ANAPC5: variants seen among roughly 807,000 people sequenced by gnomAD.
ANAPC5 encodes the protein anaphase-promoting complex subunit 5.
Under a neutral mutation model 91.3 loss-of-function variants are expected in ANAPC5, and 60 were observed. The ratio of observed to expected loss-of-function variants is 0.66; its 90% CI spans 0.53 to 0.81. The LOEUF (loss-of-function observed/expected upper bound fraction) is 0.81. Among genes scored for constraint, ANAPC5 ranks in the 40% least tolerant of loss-of-function variants. ANAPC5 has a pLI of 0.00. For missense variants in ANAPC5, 690 were observed against 931.5 expected, an observed-to-expected ratio of 0.74 and a Z score of 3.37; for synonymous variants, 340 against 364.1, an observed-to-expected ratio of 0.93 and a Z score of 0.75.
At chr12:121,320,490 T>C (rs755697391) in intron 11 of ANAPC5, 31 bp from the exon 12 acceptor site, 7 of 1,600,946 alleles carry the variant, frequency 4.4e-6, no homozygotes, top group Middle Eastern at 1.7e-4. Flanking sequence ...TTGATCAGCA[T>C]AACCTGTGTT....
At chr12:121,341,208 G>A (rs1032443328) in intron 5 of ANAPC5, among the ~76,000 whole-genome samples, 4 of 152,094 alleles carry the variant, frequency 2.6e-5, no homozygotes, top group South Asian at 2.1e-4. Context: ...GCTGGTTCAT[G>A]TCTGTAATCC....
intron 5 of ANAPC5, among the ~76,000 whole-genome samples, chr12:121,338,846 CTGTAT>C (rs1373208967): frequency 2.0e-5 from 3 of 151,628 alleles, no homozygotes; most frequent in East Asian, 1.9e-4. Flanking sequence ...ACAATATACC[CTGTAT>C]TGTAAACATA....
intron 15 of ANAPC5, 36 bp from the exon 16 acceptor site, chr12:121,309,899 A>G: frequency 1.3e-6 from 2 of 1,544,794 alleles, no homozygotes; most frequent in Non-Finnish European, 1.8e-6. Context: ...TACATACCCA[A>G]ACCCACTGCC....
intron 15 of ANAPC5, among the ~76,000 whole-genome samples, chr12:121,311,971 C>T (rs1217044129): frequency 1.3e-5 from 2 of 152,060 alleles, no homozygotes; most frequent in African/African-American, 4.8e-5. Flanking sequence ...TGAACTGGCC[C>T]TAACATATAT....
At chr12:121,322,853 T>C (rs1902674753) in intron 11 of ANAPC5, among the ~76,000 whole-genome samples, 1 of 152,022 alleles carries the variant, frequency 6.6e-6, no homozygotes, top group African/African-American at 2.4e-5. Flanking sequence ...TGAAACCCCA[T>C]CTCGACTAAA....
rs1903015427 is a variant in ANAPC5 at position 121,330,835 on chromosome 12, A to G, written c.1033-163T>C. 1.2e-5 allele frequency: 7 copies of G among 565,326 alleles called. No homozygotes were observed. In the South Asian group the frequency reaches 1.5e-4, roughly 12 times the overall value. 35.0% of individuals were successfully genotyped at this position (565,326 alleles called of 1,614,324 possible). On this transcript the variant is annotated intron_variant, in intron 8 of 16. Transcript: ENST00000261819. ...AATCTCAATGAGACCTGTCAAACAT[A>G]TCAACATCATTAAAACCAGGCTGAA... is the stretch of plus-strand genomic sequence containing the variant.
intron 11 of ANAPC5, among the ~76,000 whole-genome samples, chr12:121,324,611 A>G: frequency 6.6e-6 from 1 of 152,232 alleles, no homozygotes; most frequent in East Asian, 1.9e-4. Flanking sequence ...GAATTGAGCC[A>G]CAAGGCACTG....
chr12:121,331,304 T>G, intron 8 of ANAPC5, 43 bp downstream of exon 8: 1 of 1,536,958 alleles, frequency 6.5e-7, no homozygotes, highest in African/African-American at 1.4e-5. Context: ...GAAGGCCAAT[T>G]CAACCCGTGA....
intron 11 of ANAPC5, 30 bp from the exon 12 acceptor site, chr12:121,320,489 A>G: frequency 6.2e-7 from 1 of 1,605,678 alleles, no homozygotes; most frequent in Non-Finnish European, 8.5e-7. Flanking sequence ...TTTGATCAGC[A>G]TAACCTGTGT....
At chr12:121,352,925 T>A (rs1267040185), upstream of ANAPC5, among the ~76,000 whole-genome samples, 2 of 152,128 alleles carry the variant, frequency 1.3e-5, no homozygotes, top group Middle Eastern at 6.3e-3. Flanking sequence ...TGAAAATAGT[T>A]CAAATAGAAT....
chr12:121,313,257 C>T (rs777720664), intron 15 of ANAPC5, among the ~76,000 whole-genome samples: 4 of 151,970 alleles, frequency 2.6e-5, no homozygotes, highest in South Asian at 2.1e-4. Flanking sequence ...ACCTGGGAGG[C>T]GGAGGTTGCA....
intron 15 of ANAPC5, among the ~76,000 whole-genome samples, chr12:121,317,649 G>T (rs959779188): frequency 5.9e-5 from 9 of 152,190 alleles, no homozygotes; most frequent in Non-Finnish European, 8.8e-5. Flanking sequence ...GACTCCGTAG[G>T]TCTGAGGCAA....
At chr12:121,320,763 C>T (rs545625631) in intron 11 of ANAPC5, 16 of 196,380 alleles carry the variant, frequency 8.1e-5, no homozygotes, top group East Asian at 2.3e-4. Flanking sequence ...CCACCATGTC[C>T]GGCTAATTTT....
At chr12:121,316,955 A>G (rs1399592066) in intron 15 of ANAPC5, among the ~76,000 whole-genome samples, 1 of 152,134 alleles carries the variant, frequency 6.6e-6, no homozygotes, top group African/African-American at 2.4e-5. Context: ...ATAAAACCTG[A>G]AAACATCAAG....
At chr12:121,324,341 G>C (rs1396789243) in intron 11 of ANAPC5, among the ~76,000 whole-genome samples, 1 of 152,022 alleles carries the variant, frequency 6.6e-6, no homozygotes, top group Non-Finnish European at 1.5e-5. Context: ...GATGAAGAAA[G>C]GGGTAAAGGA....
At chr12:121,334,364 C>G (rs574422374) in intron 7 of ANAPC5, 1 of 152,272 alleles carries the variant, frequency 6.6e-6, no homozygotes, top group East Asian at 1.9e-4. Flanking sequence ...ATAGATGTCT[C>G]CATTATTGAA....
chr12:121,321,401 G>T (rs977467060), intron 11 of ANAPC5, among the ~76,000 whole-genome samples: 1 of 141,564 alleles, frequency 7.1e-6, no homozygotes, highest in Non-Finnish European at 1.5e-5. Context: ...TCCCAGGCTG[G>T]AATGCAGCAA....
At chr12:121,311,082 A>G (rs1902150781) in intron 15 of ANAPC5, among the ~76,000 whole-genome samples, 1 of 152,108 alleles carries the variant, frequency 6.6e-6, no homozygotes, top group Non-Finnish European at 1.5e-5. Context: ...CTCACTGTAG[A>G]TTAAAAGACA....
intron 5 of ANAPC5, among the ~76,000 whole-genome samples, chr12:121,339,878 T>G (rs958376579): frequency 4.8e-4 from 65 of 136,260 alleles, no homozygotes; most frequent in Non-Finnish European, 8.2e-4. Context: ...GTTTTTTTTT[T>G]TTTTTTTTTT....
Sources: gnomAD v4.1 joint callset for allele counts (sites outside exome capture counted in the v4.1 genomes callset) on GRCh38, gnomAD v4.1.1 for gene constraint, MANE v1.5 for transcripts, NCBI Gene and HGNC (gene_info 2026-07-23, HGNC 2026-07-21) for gene names.